The following ASIC2 variants were observed in gnomAD, a reference collection of about 807,000 sequenced individuals.
ASIC2 encodes acid-sensing ion channel 2.
A neutral mutation model predicts 57.3 loss-of-function variants in ASIC2; 25 were observed. The ratio of observed to expected loss-of-function variants is 0.44; its 90% CI spans 0.32 to 0.61. ASIC2 has a LOEUF of 0.61. ASIC2 is among the 20% of genes least tolerant of loss of function. The pLI is 0.06. For missense variants in ASIC2, 641 were observed against 738.1 expected, an observed-to-expected ratio of 0.87 and a Z score of 1.52; for synonymous variants, 319 against 307.5, an observed-to-expected ratio of 1.04 and a Z score of -0.39.
intron 3 of ASIC2, among the ~76,000 whole-genome samples, chr17:33,073,068 T>A (rs1442950586): frequency 2.0e-5 from 3 of 152,174 alleles, no homozygotes; most frequent in Non-Finnish European, 4.4e-5. Context: ...CTCACCCTCA[T>A]TTCTACCGGG....
intron 3 of ASIC2, among the ~76,000 whole-genome samples, chr17:33,029,051 T>C (rs1305229025): frequency 1.3e-5 from 2 of 152,200 alleles, no homozygotes; most frequent in Non-Finnish European, 2.9e-5. Flanking sequence ...ACTTGCCTAG[T>C]GGGAAGGGTG....
intron 3 of ASIC2, among the ~76,000 whole-genome samples, chr17:33,075,604 C>A (rs2092086203): frequency 6.6e-6 from 1 of 152,152 alleles, no homozygotes; most frequent in African/African-American, 2.4e-5. Flanking sequence ...CAGCCTGACA[C>A]CCCAGGTAAA....
chr17:33,674,835 C>CT (rs1407073664), intron 1 of ASIC2, among the ~76,000 whole-genome samples: 1 of 152,174 alleles, frequency 6.6e-6, no homozygotes, highest in Non-Finnish European at 1.5e-5. Flanking sequence ...GCTCAGAAGT[C>CT]TGTCTTAGGC....
chr17:33,487,592 G>A (rs372232925), intron 1 of ASIC2, among the ~76,000 whole-genome samples: 34 of 152,310 alleles, frequency 2.2e-4, no homozygotes, highest in African/African-American at 7.7e-4. Context: ...TGGATTGAAG[G>A]ATGCAAAGCA....
intron 1 of ASIC2, among the ~76,000 whole-genome samples, chr17:33,963,437 A>T (rs953953545): frequency 6.6e-6 from 1 of 152,180 alleles, no homozygotes; most frequent in African/African-American, 2.4e-5. Flanking sequence ...AGAGAGAAAA[A>T]TGTCAGCACA....
intron 1 of ASIC2, among the ~76,000 whole-genome samples, chr17:33,463,911 A>AGG (rs1215552937): frequency 6.6e-6 from 1 of 152,178 alleles, no homozygotes; most frequent in African/African-American, 2.4e-5. Flanking sequence ...GGCACATAGG[A>AGG]GGGGCTTGGG....
intron 1 of ASIC2, among the ~76,000 whole-genome samples, chr17:33,459,911 A>C (rs1307352480): frequency 6.6e-6 from 1 of 152,124 alleles, no homozygotes; most frequent in Non-Finnish European, 1.5e-5. Context: ...GATATTAATT[A>C]GGTGGCACCA....
intron 1 of ASIC2, chr17:33,572,146 T>G (rs12185271): frequency 6.6e-6 from 1 of 152,224 alleles, no homozygotes; most frequent in Non-Finnish European, 1.5e-5. Context: ...AGCAGGATTT[T>G]GGCTGGAGGC....
chr17:34,110,901 T>C (rs1169147508), intron 1 of ASIC2, among the ~76,000 whole-genome samples: 1 of 152,170 alleles, frequency 6.6e-6, no homozygotes, highest in Non-Finnish European at 1.5e-5. Context: ...ACAGGGCTCT[T>C]TTCATTCCCG....
intron 6 of ASIC2, 55 bp from the exon 7 acceptor site, chr17:33,021,365 G>T: frequency 7.2e-7 from 1 of 1,391,520 alleles, no homozygotes. Context: ...CATTCACAGG[G>T]AGCATCTAAT....
chr17:33,094,560 G>C (rs1479770947), intron 2 of ASIC2, among the ~76,000 whole-genome samples: 1 of 152,072 alleles, frequency 6.6e-6, no homozygotes, highest in East Asian at 1.9e-4. Context: ...CTGACTGGTG[G>C]ATCTCCCATG....
At chr17:33,775,707 G>T (rs1470900201) in intron 1 of ASIC2, among the ~76,000 whole-genome samples, 1 of 152,162 alleles carries the variant, frequency 6.6e-6, no homozygotes, top group Non-Finnish European at 1.5e-5. Flanking sequence ...AGAGGGAACT[G>T]AGTCTGTATG....
intron 1 of ASIC2, among the ~76,000 whole-genome samples, chr17:33,977,685 A>G (rs1905444607): frequency 6.6e-6 from 1 of 152,036 alleles, no homozygotes; most frequent in Admixed American, 6.6e-5. Flanking sequence ...TATACCGTTT[A>G]CTTTCCCCTT....
At chr17:33,680,343 T>C (rs1025760656) in intron 1 of ASIC2, among the ~76,000 whole-genome samples, 6 of 151,666 alleles carry the variant, frequency 4.0e-5, no homozygotes, top group African/African-American at 1.5e-4. Context: ...AGTGAGGGAG[T>C]GTTGACACCC....
intron 1 of ASIC2, among the ~76,000 whole-genome samples, chr17:33,182,703 A>C (rs923663190): frequency 1.3e-5 from 2 of 152,174 alleles, no homozygotes; most frequent in Non-Finnish European, 2.9e-5. Flanking sequence ...GGCAATTTTG[A>C]AATTATCTCC....
chr17:33,324,502 G>A (rs887232936), intron 1 of ASIC2, among the ~76,000 whole-genome samples: 1 of 152,050 alleles, frequency 6.6e-6, no homozygotes, highest in Non-Finnish European at 1.5e-5. Context: ...CTGCAAATAT[G>A]AGGAGGCATT....
In ASIC2 at chr17:34,156,068, C is replaced by T. The variant is rs1363601647; in HGVS notation, c.465G>A (p.Glu155=). 110 of 1,613,978 alleles carry T rather than the reference C, an allele frequency of 6.8e-5. No individual in the cohort carries two copies. Among genetic ancestry groups the T allele is most frequent in the Non-Finnish European group, 9.2e-5 (108 of 1,180,044 alleles). ...GGTCATGGCCCACACGGTGCAGGAA[C>T]TCCAGCATGCTGAACTGCTTGGGTT... The change falls in exon 1 of 10, where the codon GAG becomes GAA. Residue 155 remains glutamate, a synonymous_variant. Coordinates refer to the ASIC2 transcript ENST00000359872. The surrounding 1 kb of genome is among the most constrained non-coding windows in gnomAD (Gnocchi z 4.4).
intron 1 of ASIC2, among the ~76,000 whole-genome samples, chr17:33,205,697 C>A (rs2043076632): frequency 6.6e-6 from 1 of 152,212 alleles, no homozygotes; most frequent in African/African-American, 2.4e-5. Context: ...GCCGGCCATT[C>A]AGTTCTGGTT....
chr17:33,435,528 A>C (rs1597727170), intron 1 of ASIC2, among the ~76,000 whole-genome samples: 1 of 152,146 alleles, frequency 6.6e-6, no homozygotes, highest in African/African-American at 2.4e-5. Context: ...AGGCCCTCCT[A>C]CCCCCACTGC....
Sources: gnomAD v4.1 joint callset for allele counts (sites outside exome capture counted in the v4.1 genomes callset) on GRCh38, gnomAD v4.1.1 for gene constraint, Gnocchi (gnomAD v3.1) non-coding constraint, MANE v1.5 for transcripts, NCBI Gene and HGNC (gene_info 2026-07-23, HGNC 2026-07-21) for gene names.